Variants in SLC4A5 observed in about 807,000 individuals in gnomAD.
SLC4A5 encodes the protein electrogenic sodium bicarbonate cotransporter 4.
Under a neutral mutation model 120.4 loss-of-function variants are expected in SLC4A5, and 96 were observed. The observed-to-expected ratio is 0.80, with a 90% CI of 0.68 to 0.94. The LOEUF (loss-of-function observed/expected upper bound fraction) is 0.94. Among genes scored for constraint, SLC4A5 ranks in the 40% least tolerant of loss-of-function variants. SLC4A5 has a pLI of 0.00. For missense variants in SLC4A5, 1,259 were observed against 1,459.5 expected, an observed-to-expected ratio of 0.86 and a Z score of 2.24; for synonymous variants, 550 against 571.1, an observed-to-expected ratio of 0.96 and a Z score of 0.53.
chr2:74,261,043 T>C (rs1671117675), intron 11 of SLC4A5, among the ~76,000 whole-genome samples: 8 of 152,220 alleles, frequency 5.3e-5, no homozygotes. Context: ...CTTCTATTTA[T>C]GCTCCAAGAC....
At chr2:74,307,257 G>A in intron 6 of SLC4A5, 1 of 517,250 alleles carries the variant, frequency 1.9e-6, no homozygotes, top group Non-Finnish European at 3.6e-6. Context: ...ATCATATTGG[G>A]CCCAGATGTC....
chr2:74,306,652 C>CTTT, intron 6 of SLC4A5: 2 of 448,634 alleles, frequency 4.5e-6, no homozygotes, highest in Non-Finnish European at 7.5e-6. Context: ...TAGTTCATTT[C>CTTT]TTTTTTTTTT....
At chr2:74,242,102 G>A in intron 19 of SLC4A5, 50 bp from the exon 20 acceptor site, 1 of 1,554,124 alleles carries the variant, frequency 6.4e-7, no homozygotes, top group Non-Finnish European at 8.8e-7. Flanking sequence ...GTGGGGCTGG[G>A]AGCTGCATTC....
intron 7 of SLC4A5, among the ~76,000 whole-genome samples, chr2:74,289,315 T>G (rs1458109635): frequency 1.3e-5 from 2 of 150,654 alleles, no homozygotes. Context: ...TTCTCAATTT[T>G]TCTATTACTT....
At chr2:74,298,347 G>A (rs1025986971) in intron 7 of SLC4A5, among the ~76,000 whole-genome samples, 1 of 152,212 alleles carries the variant, frequency 6.6e-6, no homozygotes, top group African/African-American at 2.4e-5. Context: ...AATAAATGGT[G>A]TTGAGAAGAC....
exon 31 of SLC4A5, chr2:74,217,511 A>G (rs1694483444): frequency 6.6e-6 from 1 of 152,202 alleles, no homozygotes; most frequent in Admixed American, 6.5e-5. Flanking sequence ...TATTGTTCAC[A>G]TGAATGGGAG....
chr2:74,318,036 C>T (rs1167761883), intron 5 of SLC4A5, among the ~76,000 whole-genome samples: 1 of 152,054 alleles, frequency 6.6e-6, no homozygotes, highest in East Asian at 1.9e-4. Context: ...TAGCAAATGT[C>T]ACAAAAGCAA....
Position 74,242,006 on chromosome 2 carries a change from GGT to G in SLC4A5, c.2104_2105del (p.Thr702GlnfsTer9). 6.2e-7 allele frequency: 1 copy of G among 1,605,438 alleles called. No individual in the cohort carries two copies. Among genetic ancestry groups the G allele is most frequent in the Non-Finnish European group, 8.5e-7 (1 of 1,174,374 alleles). ...GGAAAGGACTTACCAGAGAAGCGTT[GGT>G]GTCTGGTGCCAATGGGGCTGAAGCA... On this transcript the variant is annotated frameshift_variant, in exon 20 of 31. Transcript: ENST00000394019. LOFTEE classifies it high-confidence loss of function.
At chr2:74,318,283 T>C (rs1050203826) in intron 5 of SLC4A5, among the ~76,000 whole-genome samples, 8 of 152,052 alleles carry the variant, frequency 5.3e-5, no homozygotes, top group Non-Finnish European at 8.8e-5. Context: ...AGAAGACACA[T>C]AAATGGCCAA....
chr2:74,235,169 T>A lies in SLC4A5; in HGVS notation c.2365A>T (p.Met789Leu), dbSNP rs547201787. 4 of 1,613,902 alleles carry A rather than the reference T, an allele frequency of 2.5e-6. No individual in the cohort carries two copies. Among genetic ancestry groups the A allele is most frequent in the South Asian group, 2.2e-5 (2 of 91,050 alleles). The change falls in exon 22 of 31, where the codon ATG becomes TTG. Residue 789 changes from methionine (M) to leucine (L), a missense_variant. Physicochemically the swap from Met to Leu is conservative, Grantham distance 15. Coordinates refer to ENST00000394019, the Ensembl canonical transcript of SLC4A5. ...AAACAGGCATCGATTCCACAGAACA[T>A]CAGGATGGAGAAAACAATGGAAAAG...
At position 74,233,377 on chromosome 2, in the gene SLC4A5, C is replaced by G. The variant is rs776390879; in HGVS notation, c.2595+25G>C. The G allele has an allele frequency of 1.1e-5, 17 of 1,612,816 alleles. No homozygotes were observed. In the East Asian group the frequency reaches 3.6e-4, roughly 34 times the overall value. ...ACTTTGTGGGAAGAAAGAGGTTATG[C>G]CTCTGCTCCTAGTACCGGCCTTACC... On this transcript the variant is annotated intron_variant, in intron 23 of 30. Coordinates refer to ENST00000394019, the Ensembl canonical transcript of SLC4A5.
At chr2:74,253,188 G>A (rs1670849140) in intron 14 of SLC4A5, 60 bp from the exon 15 acceptor site, 1 of 1,590,794 alleles carries the variant, frequency 6.3e-7, no homozygotes, top group Non-Finnish European at 8.6e-7. Context: ...ATGCCTGGGA[G>A]CATATCACAT....
chr2:74,284,783 C>T (rs967412408), intron 8 of SLC4A5, among the ~76,000 whole-genome samples: 16 of 152,104 alleles, frequency 1.1e-4, no homozygotes, highest in Admixed American at 1.3e-4. Flanking sequence ...TTGGCTCCTG[C>T]GACTTCTCCG....
At chr2:74,294,254 G>C (rs1250985298) in intron 7 of SLC4A5, among the ~76,000 whole-genome samples, 1 of 152,108 alleles carries the variant, frequency 6.6e-6, no homozygotes, top group African/African-American at 2.4e-5. Flanking sequence ...GCCTGGGAAG[G>C]GCAACAACCT....
chr2:74,270,053 T>C (rs1015846840), intron 8 of SLC4A5, among the ~76,000 whole-genome samples: 1 of 152,200 alleles, frequency 6.6e-6, no homozygotes, highest in Admixed American at 6.5e-5. Context: ...GCATAAACAC[T>C]AAATTACTTG....
intron 22 of SLC4A5, among the ~76,000 whole-genome samples, chr2:74,234,291 G>A (rs149338889): frequency 0.029 from 4,474 of 151,778 alleles, 175 homozygotes; most frequent in Admixed American, 0.12. Flanking sequence ...CCATTCTCCT[G>A]CCTCAGCCTC....
chr2:74,217,643 TGTG>T (rs1694487248), exon 31 of SLC4A5: 2 of 152,230 alleles, frequency 1.3e-5, no homozygotes, highest in Non-Finnish European at 2.9e-5. Flanking sequence ...TGATTTAACA[TGTG>T]GTTTCAAATT....
intron 6 of SLC4A5, among the ~76,000 whole-genome samples, chr2:74,306,018 C>A (rs1672632967): frequency 6.6e-6 from 1 of 152,228 alleles, no homozygotes; most frequent in African/African-American, 2.4e-5. Context: ...GCCACCGTGC[C>A]TGGCTCCAAC....
At chr2:74,338,283 C>T (rs1480803531) in intron 3 of SLC4A5, among the ~76,000 whole-genome samples, 1 of 152,130 alleles carries the variant, frequency 6.6e-6, no homozygotes, top group African/African-American at 2.4e-5. Context: ...TGTCTCTACT[C>T]TTGTACTCTT....
Sources: allele counts gnomAD v4.1 joint callset (sites outside exome capture counted in the v4.1 genomes callset), GRCh38; gene constraint gnomAD v4.1.1; transcripts MANE v1.5; gene names NCBI Gene and HGNC (gene_info 2026-07-23, HGNC 2026-07-21).